Variants in NRXN1 observed in about 807,000 individuals in gnomAD.
NRXN1 encodes neurexin-1.
NRXN1 carries 39 observed loss-of-function variants against 150.9 expected under a neutral mutation model. That is an observed-to-expected ratio of 0.26 (90% CI 0.20 to 0.34). The LOEUF is 0.34. Among genes scored for constraint, NRXN1 ranks in the 10% least tolerant of loss-of-function variants. The pLI is 1.00. For synonymous variants in NRXN1, 924 were observed against 757.0 expected (o/e 1.22, Z -3.62); for missense variants, 1,815 against 1,949.9 (o/e 0.93, Z 1.30).
chr2:50,347,292 G>T lies in NRXN1; in HGVS notation c.3365-110322C>A. 2 of 1,285,682 alleles carry T rather than the reference G, an allele frequency of 1.6e-6. No individual in the cohort carries two copies. Among genetic ancestry groups the T allele is most frequent in the Non-Finnish European group, 2.0e-6 (2 of 989,542 alleles). The allele number at this position is 1,285,682 out of a possible 1,614,324, so 79.6% of individuals were successfully genotyped here. On this transcript the variant is annotated intron_variant, in intron 17 of 22. Transcript: ENST00000401669. The surrounding 1 kb of genome is among the most constrained non-coding windows in gnomAD (Gnocchi z 4.9). ...GAGATACTCCCAAAGAGTTTCGGGC[G>T]AGAGTGCGTGCCGGCGGGTGGGGGG...
At chr2:50,003,393 G>C (rs1684260673) in intron 21 of NRXN1, among the ~76,000 whole-genome samples, 1 of 152,096 alleles carries the variant, frequency 6.6e-6, no homozygotes, top group Non-Finnish European at 1.5e-5. Flanking sequence ...TACTTCAAAA[G>C]CTGTTTTATT....
chr2:50,382,903 C>A (rs1818716), intron 17 of NRXN1, among the ~76,000 whole-genome samples: 36,159 of 151,970 alleles, frequency 0.24, 4,620 homozygotes, highest in East Asian at 0.43. Flanking sequence ...CTTCTTGAGC[C>A]GCCTCAGGTT....
chr2:50,916,152 G>GA (rs1685185537), intron 5 of NRXN1, among the ~76,000 whole-genome samples: 1 of 150,062 alleles, frequency 6.7e-6, no homozygotes, highest in South Asian at 2.1e-4. Flanking sequence ...TTTAACTGAA[G>GA]AAAAATCTTT....
chr2:50,085,497 C>G (rs1013115171), intron 19 of NRXN1, among the ~76,000 whole-genome samples: 1 of 152,074 alleles, frequency 6.6e-6, no homozygotes, highest in Non-Finnish European at 1.5e-5. Flanking sequence ...TTTTAACAAA[C>G]TTTTTCTCCC....
At chr2:50,013,438 G>A (rs561787375) in intron 21 of NRXN1, among the ~76,000 whole-genome samples, 7 of 151,922 alleles carry the variant, frequency 4.6e-5, no homozygotes, top group African/African-American at 1.7e-4. Flanking sequence ...TTGTTGGCCT[G>A]GTACCCAGAG....
intron 17 of NRXN1, among the ~76,000 whole-genome samples, chr2:50,264,887 G>T (rs1278812981): frequency 6.6e-6 from 1 of 152,012 alleles, no homozygotes; most frequent in Non-Finnish European, 1.5e-5. Context: ...GTCATCACTA[G>T]GACCAGCAGA....
At chr2:50,802,568 A>AG (rs918847751) in intron 5 of NRXN1, among the ~76,000 whole-genome samples, 1 of 134,794 alleles carries the variant, frequency 7.4e-6, no homozygotes, top group African/African-American at 2.7e-5. Context: ...GAAGGAAGGA[A>AG]GGAGAGAGAC....
chr2:50,610,120 G>C (rs1277437985), intron 8 of NRXN1, among the ~76,000 whole-genome samples: 1 of 152,016 alleles, frequency 6.6e-6, no homozygotes, highest in Non-Finnish European at 1.5e-5. Context: ...TTGATCCAAA[G>C]ATCTAAAGAC....
chr2:50,497,239 G>C, intron 14 of NRXN1, 94 bp downstream of exon 14: 1 of 945,766 alleles, frequency 1.1e-6, no homozygotes, highest in Non-Finnish European at 1.5e-6. Flanking sequence ...ACCACCTTAT[G>C]AGCCAGTATG....
chr2:50,901,118 A>G (rs968167515), intron 5 of NRXN1, among the ~76,000 whole-genome samples: 2 of 152,066 alleles, frequency 1.3e-5, no homozygotes, highest in African/African-American at 2.4e-5. Flanking sequence ...GTTTCATACC[A>G]TTAAAATGTG....
At chr2:50,969,974 T>G (rs1295455938) in intron 2 of NRXN1, among the ~76,000 whole-genome samples, 1 of 152,172 alleles carries the variant, frequency 6.6e-6, no homozygotes, top group African/African-American at 2.4e-5. Context: ...GCTGATATAC[T>G]GAGTGGGGAA....
intron 21 of NRXN1, among the ~76,000 whole-genome samples, chr2:50,007,126 T>C (rs1302694116): frequency 2.0e-5 from 3 of 152,032 alleles, no homozygotes; most frequent in African/African-American, 7.2e-5. Flanking sequence ...GAGAATCACT[T>C]GAGGCCAGGA....
chr2:50,587,409 C>A (rs914807722), intron 8 of NRXN1, among the ~76,000 whole-genome samples: 5 of 152,254 alleles, frequency 3.3e-5, no homozygotes, highest in Admixed American at 2.6e-4. Flanking sequence ...CACTTGAGCC[C>A]AGGATGGGGA....
chr2:50,215,074 T>C (rs1339707937), intron 18 of NRXN1, among the ~76,000 whole-genome samples: 9 of 151,988 alleles, frequency 5.9e-5, no homozygotes, highest in Admixed American at 5.9e-4. Flanking sequence ...AATATGTTAT[T>C]TATCTAATTA....
At chr2:50,504,517 T>A (rs1203052691) in intron 13 of NRXN1, among the ~76,000 whole-genome samples, 1 of 152,148 alleles carries the variant, frequency 6.6e-6, no homozygotes, top group African/African-American at 2.4e-5. Context: ...TTTGTATTAT[T>A]TTTGGAACTT....
intron 17 of NRXN1, among the ~76,000 whole-genome samples, chr2:50,452,424 C>T (rs1399800710): frequency 6.6e-6 from 1 of 152,094 alleles, no homozygotes; most frequent in East Asian, 1.9e-4. Flanking sequence ...ACAAGGCAAA[C>T]CAAATCCCTC....
At chr2:50,555,171 T>C (rs1668048295) in intron 8 of NRXN1, among the ~76,000 whole-genome samples, 1 of 152,176 alleles carries the variant, frequency 6.6e-6, no homozygotes, top group African/African-American at 2.4e-5. Context: ...TCTTTTGACA[T>C]AGATATTGAT....
intron 19 of NRXN1, among the ~76,000 whole-genome samples, chr2:50,084,577 G>A (rs949398128): frequency 4.6e-5 from 7 of 152,206 alleles, no homozygotes; most frequent in African/African-American, 1.2e-4. Flanking sequence ...CCCGGTTCCC[G>A]CCCGTGCCTC....
chr2:50,416,739 C>T (rs900389689), intron 17 of NRXN1, among the ~76,000 whole-genome samples: 2 of 151,846 alleles, frequency 1.3e-5, no homozygotes, highest in Non-Finnish European at 2.9e-5. Flanking sequence ...GGAAAAGCCC[C>T]TTATAAAACC....
Sources: gnomAD v4.1 joint callset for allele counts (sites outside exome capture counted in the v4.1 genomes callset) on GRCh38, gnomAD v4.1.1 for gene constraint, Gnocchi (gnomAD v3.1) non-coding constraint, MANE v1.5 for transcripts, NCBI Gene and HGNC (gene_info 2026-07-23, HGNC 2026-07-21) for gene names.